SLC44A1: variants seen among roughly 807,000 people sequenced by gnomAD.
SLC44A1 encodes the protein choline transporter-like protein 1.
SLC44A1 carries 26 observed loss-of-function variants against 79.3 expected under a neutral mutation model. That is an observed-to-expected ratio of 0.33 (90% CI 0.24 to 0.46). The LOEUF is 0.46. Ranked by LOEUF, SLC44A1 falls within the 20% of genes least tolerant of loss-of-function variation. The pLI, the probability that SLC44A1 is intolerant of heterozygous loss-of-function variation, is 1.00. For missense variants in SLC44A1, 688 were observed against 798.1 expected, an observed-to-expected ratio of 0.86 and a Z score of 1.66; for synonymous variants, 263 against 286.2, an observed-to-expected ratio of 0.92 and a Z score of 0.82.
At chr9:105,280,456 A>G (rs189622034) in intron 1 of SLC44A1, among the ~76,000 whole-genome samples, 1 of 152,370 alleles carries the variant, frequency 6.6e-6, no homozygotes, top group East Asian at 1.9e-4. Flanking sequence ...GTTGTTGACC[A>G]AAAGTTAATG....
At chr9:105,432,516 A>G (rs761325534) in intron 15 of SLC44A1, among the ~76,000 whole-genome samples, 3 of 152,250 alleles carry the variant, frequency 2.0e-5, no homozygotes, top group Non-Finnish European at 4.4e-5. Flanking sequence ...AGAGACAATT[A>G]TTCCCTGGGC....
At chr9:105,422,762 T>A (rs201543775) in intron 15 of SLC44A1, among the ~76,000 whole-genome samples, 1 of 152,198 alleles carries the variant, frequency 6.6e-6, no homozygotes, top group Non-Finnish European at 1.5e-5. Context: ...CTACTTCTGG[T>A]TTGCGTGAAG....
chr9:105,315,270 TG>T (rs1282447530), intron 3 of SLC44A1, among the ~76,000 whole-genome samples: 22 of 127,530 alleles, frequency 1.7e-4, no homozygotes, highest in Non-Finnish European at 2.8e-4. Flanking sequence ...TTTTTTTGTT[TG>T]TTTTTTTTTT....
intron 1 of SLC44A1, among the ~76,000 whole-genome samples, chr9:105,245,368 A>G (rs1426554300): frequency 6.6e-6 from 1 of 151,728 alleles, no homozygotes; most frequent in Non-Finnish European, 1.5e-5. Flanking sequence ...AGAGCTCTTC[A>G]CCTCTCCCAC....
At chr9:105,412,555 T>C (rs1289656898) in intron 15 of SLC44A1, among the ~76,000 whole-genome samples, 1 of 152,220 alleles carries the variant, frequency 6.6e-6, no homozygotes, top group Non-Finnish European at 1.5e-5. Flanking sequence ...TGGTAGCTAT[T>C]TGATAATAGC....
chr9:105,391,279 C>G lies in SLC44A1; in HGVS notation c.*2223C>G. 6 of 985,784 alleles carry G rather than the reference C, an allele frequency of 6.1e-6. No individual in the cohort carries two copies. Among genetic ancestry groups the G allele is most frequent in the Non-Finnish European group, 6.0e-6 (5 of 829,888 alleles). The allele number at this position is 985,784 out of a possible 1,614,324, so 61.1% of individuals were successfully genotyped here. On this transcript the variant is annotated 3_prime_UTR_variant, in exon 16 of 16. Coordinates refer to ENST00000374720, the MANE Select transcript of SLC44A1 (RefSeq NM_080546.5). ...AGCTATTTGGAAGCTACCAGGAATG[C>G]TTTCTAATTATCATTTGCAACTAGA...
At chr9:105,301,606 C>T (rs1337062466) in intron 2 of SLC44A1, among the ~76,000 whole-genome samples, 7 of 152,108 alleles carry the variant, frequency 4.6e-5, no homozygotes, top group Non-Finnish European at 8.8e-5. Flanking sequence ...TTAAAATAAA[C>T]ATTTAACAAA....
Position 105,396,512 on chromosome 9 carries a change from C to T in SLC44A1, c.*7456C>T. 1.0e-6 allele frequency: 1 copy of T among 985,352 alleles called. No homozygotes were observed. The highest frequency in any genetic ancestry group is 1.2e-6 in the Non-Finnish European group (1 of 829,918). 61.0% of individuals were successfully genotyped at this position (985,352 alleles called of 1,614,324 possible). A position where few individuals can be genotyped will look rare whatever the true frequency, so the allele number is the denominator to read the frequency against. ...TAGAGCTCCTAGAATAATAAGGCGG[C>T]CAAATTTAAAGATCAGTCAATACAG... On this transcript the variant is annotated 3_prime_UTR_variant, in exon 16 of 16. Coordinates refer to ENST00000374720, the MANE Select transcript of SLC44A1 (RefSeq NM_080546.5).
intron 3 of SLC44A1, among the ~76,000 whole-genome samples, chr9:105,332,212 TG>T (rs1473647656): frequency 6.7e-6 from 1 of 150,144 alleles, no homozygotes; most frequent in Admixed American, 6.7e-5. Context: ...CTCCGCCTCC[TG>T]GGTTCAAGCG....
chr9:105,356,870 C>T (rs928487914), intron 6 of SLC44A1, among the ~76,000 whole-genome samples: 2 of 152,036 alleles, frequency 1.3e-5, no homozygotes, highest in African/African-American at 2.4e-5. Context: ...AAATCTCCAC[C>T]TATTAGCCAC....
chr9:105,415,182 G>C (rs754989855), intron 15 of SLC44A1, among the ~76,000 whole-genome samples: 2 of 152,134 alleles, frequency 1.3e-5, no homozygotes, highest in Non-Finnish European at 2.9e-5. Context: ...CAGCCTGATT[G>C]TTTCTGAGTA....
Position 105,335,698 on chromosome 9 carries a change from T to C in SLC44A1, c.405T>C (p.Asn135=), listed in dbSNP as rs1325570206. Residue 135 remains asparagine, a splice_region_variant and synonymous_variant, in exon 4 of 16, where the codon AAT becomes AAC. Coordinates refer to ENST00000374720, the MANE Select transcript of SLC44A1 (RefSeq NM_080546.5). ...LSDVQKFAEI[N]GSALCSYNLK... Reference sequence around the variant, plus strand: ...ATGTTCAGAAGTTTGCAGAGATAAATGGTGAGACATTAGGCCATCCAAATC... The same window carrying C: ...ATGTTCAGAAGTTTGCAGAGATAAACGGTGAGACATTAGGCCATCCAAATC... 6.2e-7 allele frequency: 1 copy of C among 1,612,738 alleles called. No homozygotes were observed. The highest frequency in any genetic ancestry group is 8.5e-7 in the Non-Finnish European group (1 of 1,179,334).
intron 1 of SLC44A1, among the ~76,000 whole-genome samples, chr9:105,274,621 TATCATTCTG>T (rs1830157880): frequency 6.6e-6 from 1 of 152,238 alleles, no homozygotes; most frequent in Non-Finnish European, 1.5e-5. Context: ...GATGAGGACC[TATCATTCTG>T]ATCATGAAAC....
chr9:105,396,434 T>C lies in SLC44A1; in HGVS notation c.*7378T>C. 1.0e-6 allele frequency: 1 copy of C among 985,370 alleles called. No individual in the cohort carries two copies. Among genetic ancestry groups the C allele is most frequent in the Non-Finnish European group, 1.2e-6 (1 of 829,918 alleles). 61.0% of individuals were successfully genotyped at this position (985,370 alleles called of 1,614,324 possible). ...AACCCTATCTTCTGAAGACCAAAGGTCCAACTTTACTTACTGGCTGGCACA... is the reference window on the plus strand; with the variant it reads ...AACCCTATCTTCTGAAGACCAAAGGCCCAACTTTACTTACTGGCTGGCACA... On this transcript the variant is annotated 3_prime_UTR_variant, in exon 16 of 16. Transcript: ENST00000374720.
At chr9:105,300,302 C>A (rs1830843957) in intron 2 of SLC44A1, among the ~76,000 whole-genome samples, 1 of 152,156 alleles carries the variant, frequency 6.6e-6, no homozygotes, top group Admixed American at 6.5e-5. Flanking sequence ...TACATTATTG[C>A]TCTCTCTTTC....
At chr9:105,347,432 C>G (rs146136745) in intron 4 of SLC44A1, among the ~76,000 whole-genome samples, 20 of 151,942 alleles carry the variant, frequency 1.3e-4, no homozygotes, top group African/African-American at 4.8e-4. Context: ...ATACAATGAA[C>G]CTTCCAGTAT....
In SLC44A1 at chr9:105,383,335, A is replaced by G. The variant is rs374528714; in HGVS notation, c.1845A>G (p.Glu615=). The change falls in exon 14 of 16, where the codon GAA becomes GAG. Residue 615 remains glutamate (E), a synonymous_variant. Coordinates refer to ENST00000374720, the MANE Select transcript of SLC44A1 (RefSeq NM_080546.5). ...ACAATGATGGGAGCCCTGGCAGAGA[A>G]TTCTATATGGATAAAGTGCTGATGG... The part of the protein sequence containing the change: ...TKYNDGSPGR[E]FYMDKVLMEF... The G allele has an allele frequency of 8.1e-6, 13 of 1,606,952 alleles. No individual in the cohort carries two copies. The highest frequency in any genetic ancestry group is 1.1e-5 in the Non-Finnish European group (13 of 1,173,526).
chr9:105,250,073 A>G (rs1167551033), intron 1 of SLC44A1, among the ~76,000 whole-genome samples: 1 of 151,324 alleles, frequency 6.6e-6, no homozygotes, highest in Non-Finnish European at 1.5e-5. Flanking sequence ...ACAGGATCCC[A>G]CTATGTTGCC....
intron 15 of SLC44A1, among the ~76,000 whole-genome samples, chr9:105,433,902 G>C (rs1025795533): frequency 6.6e-6 from 1 of 152,058 alleles, no homozygotes; most frequent in African/African-American, 2.4e-5. Context: ...CAGACCCTTG[G>C]GGAAAGTCTC....
Sources: allele counts gnomAD v4.1 joint callset (sites outside exome capture counted in the v4.1 genomes callset), GRCh38; gene constraint gnomAD v4.1.1; transcripts MANE v1.5; gene names NCBI Gene and HGNC (gene_info 2026-07-23, HGNC 2026-07-21).